Variants in CTNNA2 observed in about 807,000 individuals in gnomAD.
CTNNA2 encodes catenin alpha 2, also known as catenin alpha-2.
In CTNNA2, 42 loss-of-function variants were observed where a neutral mutation model predicts 101.0. The observed-to-expected ratio is 0.42, with a 90% CI of 0.32 to 0.54. The LOEUF is 0.54. Among genes scored for constraint, CTNNA2 ranks in the 20% least tolerant of loss-of-function variants. CTNNA2 has a pLI of 0.14. For missense variants in CTNNA2, 871 were observed against 1,223.1 expected, an observed-to-expected ratio of 0.71 and a Z score of 4.29; for synonymous variants, 450 against 456.4, an observed-to-expected ratio of 0.99 and a Z score of 0.18.
chr2:79,801,288 T>C (rs890997314), intron 3 of CTNNA2, among the ~76,000 whole-genome samples: 1 of 152,194 alleles, frequency 6.6e-6, no homozygotes, highest in Admixed American at 6.5e-5. Flanking sequence ...CAGTTTCTCT[T>C]GCTTTCTGCC....
In CTNNA2 at chr2:79,631,916, G is replaced by A. The variant is rs558542200; in HGVS notation, c.-5-19636G>A. Among the ~76,000 whole-genome samples, 12 of 152,192 alleles carry A rather than the reference G, an allele frequency of 7.9e-5. No homozygotes were observed. In the South Asian group the frequency reaches 1.5e-3, roughly 18 times the overall value. ...TGAATTATGACTTTTTGGACTTATG[G>A]TTTATTCCTCTGAGGATATATTTGT... On this transcript the variant is annotated intron_variant, in intron 1 of 18. Transcript: ENST00000402739.
chr2:79,838,910 C>A (rs1473824759), intron 3 of CTNNA2, among the ~76,000 whole-genome samples: 2 of 152,106 alleles, frequency 1.3e-5, no homozygotes, highest in African/African-American at 4.8e-5. Flanking sequence ...AATACTACTA[C>A]AACTGTTACT....
chr2:80,176,694 G>A (rs554652661), intron 7 of CTNNA2, among the ~76,000 whole-genome samples: 1 of 152,282 alleles, frequency 6.6e-6, no homozygotes, highest in Admixed American at 6.5e-5. Context: ...TGCCCTAAGG[G>A]ATCTCCTATA....
At chr2:80,089,541 T>G (rs1179314494) in intron 7 of CTNNA2, among the ~76,000 whole-genome samples, 1 of 151,936 alleles carries the variant, frequency 6.6e-6, no homozygotes, top group Non-Finnish European at 1.5e-5. Context: ...TTTTTTTATT[T>G]TAACGGTTTC....
chr2:79,724,746 C>T (rs57290546), intron 2 of CTNNA2, among the ~76,000 whole-genome samples: 12,822 of 137,024 alleles, frequency 0.094, 758 homozygotes, highest in African/African-American at 0.19. Context: ...ACCTGGGAGG[C>T]GGAGCTTGCA....
intron 1 of CTNNA2, among the ~76,000 whole-genome samples, chr2:79,543,309 A>G (rs1673533426): frequency 6.6e-6 from 1 of 152,200 alleles, no homozygotes; most frequent in Non-Finnish European, 1.5e-5. Flanking sequence ...TGGATATCCT[A>G]TAAAAGAGTG....
At chr2:79,924,244 CT>C (rs34514043) in intron 7 of CTNNA2, among the ~76,000 whole-genome samples, 29,674 of 151,998 alleles carry the variant, frequency 0.2, 3,437 homozygotes, top group Non-Finnish European at 0.26. Context: ...TCACCTTTCT[CT>C]TTTCTTTATT....
chr2:79,445,688 C>T (rs1422365620), intron 4 of CTNNA2, among the ~76,000 whole-genome samples: 1 of 152,090 alleles, frequency 6.6e-6, no homozygotes, highest in South Asian at 2.1e-4. Flanking sequence ...ACTGCATGCT[C>T]GTATCCAGAG....
chr2:80,078,607 C>T (rs551006215), intron 7 of CTNNA2, among the ~76,000 whole-genome samples: 41 of 152,296 alleles, frequency 2.7e-4, no homozygotes, highest in African/African-American at 9.4e-4. Context: ...AAACCACTAA[C>T]GTAATCTAGT....
chr2:80,231,344 G>A lies in CTNNA2; in HGVS notation c.1057-161867G>A, dbSNP rs183235285. ...CAGCTCAGTCACAGTGGTTCAGAGC[G>A]TCACCTCTGAGACTGCCTGTGATGG... On this transcript the variant is annotated intron_variant, in intron 7 of 18. Transcript: ENST00000402739. Among the ~76,000 whole-genome samples the A allele has an allele frequency of 5.9e-3, 898 of 152,202 alleles. 5 individuals are homozygous for A. The highest frequency in any genetic ancestry group is 8.2e-3 in the Non-Finnish European group (560 of 68,010).
Position 79,214,828 on chromosome 2 carries a change from T to C in CTNNA2, c.-406+16752T>C, listed in dbSNP as rs951352566. Among the ~76,000 whole-genome samples the C allele has an allele frequency of 3.3e-5, 5 of 150,986 alleles. No homozygotes were observed. In the Admixed American group the frequency reaches 3.3e-4, roughly 10 times the overall value. The stretch of plus-strand genomic sequence containing the variant: ...GCAGGTGGGGATAAGTAAAAAAGAG[T>C]GCATAAAAGTATTGTCTAAGTTGGC... On this transcript the variant is annotated intron_variant, in intron 2 of 21. Coordinates refer to the CTNNA2 transcript ENST00000466387.
chr2:80,122,368 T>G (rs1477274517), intron 7 of CTNNA2, among the ~76,000 whole-genome samples: 2 of 150,830 alleles, frequency 1.3e-5, no homozygotes, highest in Non-Finnish European at 3.0e-5. Context: ...CCTTCCTTTT[T>G]TGCTCTCTCT....
At chr2:80,617,669 A>C (rs950167058) in intron 17 of CTNNA2, among the ~76,000 whole-genome samples, 1 of 151,704 alleles carries the variant, frequency 6.6e-6, no homozygotes, top group Non-Finnish European at 1.5e-5. Context: ...CCAAATCCAT[A>C]ATCAGTTTGA....
intron 7 of CTNNA2, among the ~76,000 whole-genome samples, chr2:80,274,636 A>G (rs1673753741): frequency 6.6e-6 from 1 of 152,186 alleles, no homozygotes; most frequent in African/African-American, 2.4e-5. Context: ...CCCTACTGGG[A>G]ATAAACTCCA....
chr2:79,406,184 A>G (rs1678339748), intron 4 of CTNNA2, among the ~76,000 whole-genome samples: 1 of 152,088 alleles, frequency 6.6e-6, no homozygotes, highest in Admixed American at 6.6e-5. Flanking sequence ...TTAACAACCA[A>G]TTCCTAGTCA....
intron 7 of CTNNA2, among the ~76,000 whole-genome samples, chr2:80,146,192 A>T (rs564909147): frequency 6.6e-6 from 1 of 152,180 alleles, no homozygotes; most frequent in Non-Finnish European, 1.5e-5. Flanking sequence ...TGGAGGTGAG[A>T]CTATTTTGAA....
chr2:79,336,138 T>G (rs1300033372), intron 3 of CTNNA2, among the ~76,000 whole-genome samples: 1 of 152,236 alleles, frequency 6.6e-6, no homozygotes, highest in Non-Finnish European at 1.5e-5. Context: ...TTAGGATTGG[T>G]GCATAGCCTT....
chr2:79,818,433 C>T (rs565839790), intron 3 of CTNNA2, among the ~76,000 whole-genome samples: 137 of 152,150 alleles, frequency 9.0e-4, no homozygotes, highest in African/African-American at 3.2e-3. Context: ...CTACCTCAGC[C>T]TCCTGAGTAG....
intron 1 of CTNNA2, among the ~76,000 whole-genome samples, chr2:79,522,949 A>G (rs1223705114): frequency 6.6e-6 from 1 of 152,214 alleles, no homozygotes; most frequent in African/African-American, 2.4e-5. Context: ...AAGAGTCTGG[A>G]AAATAAAAAT....
Sources: allele counts gnomAD v4.1 joint callset (sites outside exome capture counted in the v4.1 genomes callset), GRCh38; gene constraint gnomAD v4.1.1; transcripts MANE v1.5; gene names NCBI Gene and HGNC (gene_info 2026-07-23, HGNC 2026-07-21).